HK1: variants seen among roughly 807,000 people sequenced by gnomAD.
The protein encoded by HK1 is hexokinase 1.
Under a neutral mutation model 91.6 loss-of-function variants are expected in HK1, and 28 were observed. The ratio of observed to expected loss-of-function variants is 0.31; its 90% CI spans 0.23 to 0.42. The LOEUF is 0.42. HK1 is among the 10% of genes least tolerant of loss of function. The pLI, the probability that HK1 is intolerant of heterozygous loss-of-function variation, is 1.00. For missense variants in HK1, 770 were observed against 1,219.8 expected (o/e 0.63, Z 5.49); for synonymous variants, 430 against 468.1 (o/e 0.92, Z 1.05).
rs1025597228 is a variant in HK1, at chr10:69,398,691, G to A, written c.2472G>A (p.Gly824=). Residue 824 remains glycine, a synonymous_variant, in exon 17 of 18, where the codon GGG becomes GGA. Transcript: ENST00000359426. The stretch of plus-strand genomic sequence containing the variant: ...GTATCCTCGTCAAGACAGTGTGCGG[G>A]GTGGTGTCCAGGAGGGCCGCACAGC... ...DDSILVKTVC[G]VVSRRAAQLC... is the part of the protein sequence containing the mutation. The A allele has an allele frequency of 1.2e-6, 2 of 1,614,230 alleles. No homozygotes were observed. The highest frequency in any genetic ancestry group is 1.7e-6 in the Non-Finnish European group (2 of 1,180,052).
intron 1 of HK1, among the ~76,000 whole-genome samples, chr10:69,328,154 C>G (rs1487408335): frequency 6.6e-6 from 1 of 152,218 alleles, no homozygotes; most frequent in Non-Finnish European, 1.5e-5. Flanking sequence ...CCAGCAGCCT[C>G]TCAGACCGTC....
chr10:69,335,649 T>C (rs1281960435), intron 1 of HK1, among the ~76,000 whole-genome samples: 2 of 152,154 alleles, frequency 1.3e-5, no homozygotes, highest in Admixed American at 6.5e-5. Flanking sequence ...GTGTTGGAAG[T>C]GATGGTACCT....
At position 69,310,415 on chromosome 10, in the gene HK1, T is replaced by C; in HGVS notation, c.27+9554T>C. 1.5e-5 allele frequency among the ~76,000 whole-genome samples: 2 copies of C among 137,366 alleles called. 1 individual carries two copies. Among genetic ancestry groups the C allele is most frequent in the East Asian group, 4.2e-4 (2 of 4,790 alleles). 90.1% of individuals were successfully genotyped at this position (137,366 alleles called of 152,430 possible). ...CAACCTGGGTGACAGAGCCAGACTT[T>C]GTCTCAAAAAAAAAAAAAAAAAAAA... On this transcript the variant is annotated intron_variant, in intron 5 of 21. Coordinates refer to the HK1 transcript ENST00000360289.
At chr10:69,399,339 G>C in intron 17 of HK1, among the ~76,000 whole-genome samples, 1 of 152,110 alleles carries the variant, frequency 6.6e-6, no homozygotes, top group Non-Finnish European at 1.5e-5. Flanking sequence ...GTGAGACCTT[G>C]TCTGTACAAA....
upstream of HK1, among the ~76,000 whole-genome samples, chr10:69,311,347 G>A (rs1846367783): frequency 6.6e-6 from 1 of 152,160 alleles, no homozygotes; most frequent in Admixed American, 6.5e-5. Flanking sequence ...ATCAGATGAT[G>A]AGGAGGATGG....
chr10:69,352,524 A>C, intron 2 of HK1, among the ~76,000 whole-genome samples: 1 of 152,228 alleles, frequency 6.6e-6, no homozygotes, highest in Admixed American at 6.5e-5. Flanking sequence ...ATATAATGGA[A>C]TATAATCGGT....
At position 69,398,750 on chromosome 10, in the gene HK1, A is replaced by T; in HGVS notation, c.2531A>T (p.Lys844Met). 3 of 1,614,238 alleles carry T rather than the reference A, an allele frequency of 1.9e-6. No homozygotes were observed. The highest frequency in any genetic ancestry group is 2.5e-6 in the Non-Finnish European group (3 of 1,180,036). The change falls in exon 17 of 18, where the codon AAG becomes ATG. Residue 844 changes from lysine (K) to methionine (M), a missense_variant. Lys to Met is a moderately conservative substitution (Grantham distance 95). Around this residue, in one of 7 missense-constraint regions of HK1, gnomAD observed 78 missense variants for 99.0 expected, o/e 0.79. Transcript: ENST00000359426. ...CGAGMAAVVDKIRENRGLDRL... is the reference protein window; with the variant it reads ...CGAGMAAVVDMIRENRGLDRL... Reference sequence around the variant, plus strand: ...GCAGGCATGGCTGCGGTTGTGGATAAGATCCGCGAGAACAGAGGACTGGAC... The same window carrying T: ...GCAGGCATGGCTGCGGTTGTGGATATGATCCGCGAGAACAGAGGACTGGAC...
intron 16 of HK1, among the ~76,000 whole-genome samples, chr10:69,396,846 C>T (rs529774181): frequency 7.2e-5 from 11 of 152,046 alleles, no homozygotes; most frequent in African/African-American, 1.7e-4. Context: ...CATGCACGCC[C>T]GGCTAATTTT....
intron 1 of HK1, among the ~76,000 whole-genome samples, chr10:69,325,926 C>T (rs1417454180): frequency 6.6e-6 from 1 of 151,360 alleles, no homozygotes; most frequent in Non-Finnish European, 1.5e-5. Context: ...CCTCTGCCTG[C>T]CAGGTTCAAG....
At position 69,392,195 on chromosome 10, in the gene HK1, G is replaced by A. The variant is rs774355148; in HGVS notation, c.2106G>A (p.Gln702=). 1 of 1,614,224 alleles carries A rather than the reference G, an allele frequency of 6.2e-7. No individual in the cohort carries two copies. ...NVEMVEGDQG[Q]MCINMEWGAF... is the part of the protein sequence containing the mutation. ...AGATGGTGGAGGGGGACCAGGGGCA[G>A]ATGTGCATCAACATGGAGTGGGGGG... The change falls in exon 15 of 18, where the codon CAG becomes CAA. Residue 702 remains glutamine, a synonymous_variant. Transcript: ENST00000359426.
At chr10:69,388,170 CA>C (rs1839733762) in intron 13 of HK1, among the ~76,000 whole-genome samples, 1 of 152,142 alleles carries the variant, frequency 6.6e-6, no homozygotes, top group Non-Finnish European at 1.5e-5. Context: ...CAGTGACTCA[CA>C]CCTGTAGCCA....
chr10:69,319,030 G>T lies in HK1; in HGVS notation c.63+20G>T. On this transcript the variant is annotated intron_variant, in intron 1 of 17. Coordinates refer to ENST00000359426, the MANE Select transcript of HK1 (RefSeq NM_000188.3). The stretch of plus-strand genomic sequence containing the variant: ...AAAAAGGTGAGCCCCCGCCCGCGCC[G>T]CCGCTGGTCCTGGCCGCAGCCTTGC... 1 of 1,589,352 alleles carries T rather than the reference G, an allele frequency of 6.3e-7. No individual in the cohort carries two copies. The highest frequency in any genetic ancestry group is 8.6e-7 in the Non-Finnish European group (1 of 1,168,896).
At position 69,338,680 on chromosome 10, in the gene HK1, AGTGTGT is replaced by A. The variant is rs10578071; in HGVS notation, c.64-5122_64-5117del. On this transcript the variant is annotated intron_variant, in intron 1 of 17. Transcript: ENST00000359426. ...AAGGGGACAGGATTATGGAGATGTGAGTGTGTGTGTGTGTGTGTGTGTGTGTGTGTA... is the reference window on the plus strand; with the variant it reads ...AAGGGGACAGGATTATGGAGATGTGAGTGTGTGTGTGTGTGTGTGTGTGTA... 10,709 of 1,158,602 alleles carry A rather than the reference AGTGTGT, an allele frequency of 9.2e-3. 77 individuals are homozygous for A. The highest frequency in any genetic ancestry group is 0.041 in the African/African-American group (2,572 of 63,428). The allele number at this position is 1,158,602 out of a possible 1,614,324, so 71.8% of individuals were successfully genotyped here.
At chr10:69,288,717 C>T (rs777117308) in exon 3 of HK1, 1 of 1,611,842 alleles carries the variant, frequency 6.2e-7, no homozygotes, top group South Asian at 1.1e-5. Flanking sequence ...AAGAAAGGAC[C>T]CGAGGTCAGC....
chr10:69,338,620 T>G (rs10998724), intron 1 of HK1: 97,458 of 1,288,408 alleles, frequency 0.076, 4,753 homozygotes, highest in South Asian at 0.19. Flanking sequence ...GCTGGAGCAG[T>G]AAAGCAGCGG....
rs572322124 is a variant in HK1 at position 69,398,235 on chromosome 10, A to C, written c.2376-360A>C. Among the ~76,000 whole-genome samples the C allele has an allele frequency of 2.0e-5, 3 of 152,374 alleles. No homozygotes were observed. The South Asian group carries it at 6.2e-4, about 32-fold the overall frequency. On this transcript the variant is annotated intron_variant, in intron 16 of 17. Transcript: ENST00000359426. ...CTGTTTCCAATCCTGTTCTCAGATA[A>C]GGCTGTGGGAAATTGCTCAATGCAT...
intron 1 of HK1, among the ~76,000 whole-genome samples, chr10:69,273,318 C>T (rs1369563034): frequency 6.6e-6 from 1 of 152,144 alleles, no homozygotes; most frequent in Non-Finnish European, 1.5e-5. Context: ...GGAATTCATG[C>T]CATTCTCCTG....
chr10:69,394,894 T>C, intron 15 of HK1, 56 bp from the exon 16 acceptor site: 1 of 1,578,744 alleles, frequency 6.3e-7, no homozygotes, highest in South Asian at 1.1e-5. Flanking sequence ...GACCGAGGGG[T>C]GACAGTTCTC....
upstream of HK1, among the ~76,000 whole-genome samples, chr10:69,316,688 T>C (rs1252659793): frequency 6.6e-6 from 1 of 152,054 alleles, no homozygotes; most frequent in Non-Finnish European, 1.5e-5. Context: ...CAGATAGGAG[T>C]TGTAACAACG....
Sources: gnomAD v4.1 joint callset for allele counts (sites outside exome capture counted in the v4.1 genomes callset) on GRCh38, gnomAD v4.1.1 for gene constraint, gnomAD v4.1.1 regional missense constraint, MANE v1.5 for transcripts, NCBI Gene and HGNC (gene_info 2026-07-23, HGNC 2026-07-21) for gene names.